ROBO2: variants seen among roughly 807,000 people sequenced by gnomAD.
ROBO2 encodes the protein roundabout homolog 2.
Under a neutral mutation model 160.8 loss-of-function variants are expected in ROBO2, and 53 were observed. The observed-to-expected ratio is 0.33, with a 90% confidence interval of 0.26 to 0.41. The LOEUF (loss-of-function observed/expected upper bound fraction) is 0.41. ROBO2 is among the 10% of genes least tolerant of loss of function. ROBO2 has a pLI of 1.00. For missense variants in ROBO2, 1,577 were observed against 1,722.4 expected (o/e 0.92, Z 1.49); for synonymous variants, 664 against 611.7 (o/e 1.09, Z -1.26).
chr3:76,985,817 A>G (rs960660822), intron 2 of ROBO2, among the ~76,000 whole-genome samples: 4 of 152,122 alleles, frequency 2.6e-5, no homozygotes, highest in Non-Finnish European at 5.9e-5. Context: ...AATAACATAT[A>G]TGATGCCAGT....
chr3:76,500,091 G>T (rs2080376809), intron 2 of ROBO2, among the ~76,000 whole-genome samples: 1 of 152,006 alleles, frequency 6.6e-6, no homozygotes, highest in Non-Finnish European at 1.5e-5. Flanking sequence ...TTGGGGTGGT[G>T]GGGGGACAGT....
At chr3:76,814,386 C>G (rs1291852972) in intron 2 of ROBO2, among the ~76,000 whole-genome samples, 1 of 152,080 alleles carries the variant, frequency 6.6e-6, no homozygotes, top group Non-Finnish European at 1.5e-5. Flanking sequence ...TTTTTTGTCT[C>G]CACTTTCCAA....
intron 7 of ROBO2, among the ~76,000 whole-genome samples, chr3:77,548,304 C>G (rs1298988137): frequency 6.6e-6 from 1 of 151,968 alleles, no homozygotes; most frequent in Non-Finnish European, 1.5e-5. Flanking sequence ...TTCACACAAA[C>G]AAAGTTTAAA....
chr3:77,648,922 A>G (rs1434246279), exon 26 of ROBO2: 2 of 152,202 alleles, frequency 1.3e-5, no homozygotes, highest in Non-Finnish European at 2.9e-5. Context: ...TCTTGCACTC[A>G]TAGGCAATGC....
intron 2 of ROBO2, among the ~76,000 whole-genome samples, chr3:76,602,678 G>C (rs2087249052): frequency 6.6e-6 from 1 of 152,130 alleles, no homozygotes. Flanking sequence ...TCCCATGACA[G>C]GTGGGAGTTA....
At chr3:76,299,012 T>C (rs953090183) in intron 2 of ROBO2, among the ~76,000 whole-genome samples, 3 of 152,192 alleles carry the variant, frequency 2.0e-5, no homozygotes, top group Admixed American at 1.3e-4. Flanking sequence ...CACCCATTTG[T>C]TTAACAAATA....
intron 2 of ROBO2, among the ~76,000 whole-genome samples, chr3:76,770,700 A>G (rs2061849133): frequency 6.6e-6 from 1 of 151,408 alleles, no homozygotes. Context: ...AAACATATGC[A>G]TATTTAAAAC....
At chr3:76,937,132 T>C (rs1241595671) in intron 2 of ROBO2, among the ~76,000 whole-genome samples, 1 of 152,184 alleles carries the variant, frequency 6.6e-6, no homozygotes, top group Non-Finnish European at 1.5e-5. Context: ...GATGAGCTAC[T>C]TTTGTCACGT....
intron 2 of ROBO2, among the ~76,000 whole-genome samples, chr3:76,421,177 C>T (rs1345959868): frequency 6.6e-6 from 1 of 152,116 alleles, no homozygotes; most frequent in African/African-American, 2.4e-5. Flanking sequence ...TAGCTCTACA[C>T]ATATTTTGGG....
intron 2 of ROBO2, among the ~76,000 whole-genome samples, chr3:76,983,225 T>A (rs182080422): frequency 9.9e-5 from 15 of 152,170 alleles, no homozygotes; most frequent in Non-Finnish European, 2.1e-4. Context: ...GTGGGGAGGT[T>A]GCAGTGAGCC....
chr3:77,451,121 G>A (rs114899618), intron 2 of ROBO2, among the ~76,000 whole-genome samples: 3 of 152,106 alleles, frequency 2.0e-5, no homozygotes, highest in Non-Finnish European at 4.4e-5. Context: ...CAGAACATAC[G>A]CTATGTAAGT....
At chr3:76,980,660 C>A (rs1285230203) in intron 2 of ROBO2, among the ~76,000 whole-genome samples, 4 of 151,996 alleles carry the variant, frequency 2.6e-5, no homozygotes, top group African/African-American at 7.2e-5. Context: ...TCTTGGTAAT[C>A]TTTTCTTGCT....
intron 2 of ROBO2, among the ~76,000 whole-genome samples, chr3:76,864,574 G>A (rs2071155059): frequency 6.6e-6 from 1 of 151,810 alleles, no homozygotes; most frequent in Admixed American, 6.6e-5. Flanking sequence ...CCTTTATTTT[G>A]ACATTCATCA....
At chr3:76,344,417 C>T (rs1000417322) in intron 2 of ROBO2, among the ~76,000 whole-genome samples, 3 of 152,094 alleles carry the variant, frequency 2.0e-5, no homozygotes, top group African/African-American at 7.2e-5. Flanking sequence ...TGGTGAAATT[C>T]TACTTTTTTC....
intron 1 of ROBO2, among the ~76,000 whole-genome samples, chr3:77,086,619 T>A (rs1410540894): frequency 6.6e-6 from 1 of 152,100 alleles, no homozygotes; most frequent in South Asian, 2.1e-4. Flanking sequence ...TTACAAATAA[T>A]GGAGTAATGC....
At chr3:77,619,663 C>T (rs2094858547) in intron 22 of ROBO2, among the ~76,000 whole-genome samples, 1 of 152,122 alleles carries the variant, frequency 6.6e-6, no homozygotes. Flanking sequence ...CCTCAATTTC[C>T]AGCCCCTCCA....
intron 2 of ROBO2, among the ~76,000 whole-genome samples, chr3:76,776,992 C>T (rs1341766619): frequency 6.9e-6 from 1 of 144,902 alleles, no homozygotes; most frequent in East Asian, 2.1e-4. Flanking sequence ...AAGTGAATAA[C>T]TTATTCAGTG....
chr3:77,119,504 A>G (rs770818469), intron 2 of ROBO2, among the ~76,000 whole-genome samples: 7 of 152,210 alleles, frequency 4.6e-5, no homozygotes, highest in Admixed American at 1.3e-4. Context: ...TCTTCCATCA[A>G]AATTAATCAA....
chr3:77,110,374 G>T (rs1364303239), intron 2 of ROBO2, among the ~76,000 whole-genome samples: 1 of 152,006 alleles, frequency 6.6e-6, no homozygotes, highest in African/African-American at 2.4e-5. Context: ...ATATGTATTT[G>T]TGGACATTTG....
Sources: allele counts gnomAD v4.1 joint callset (sites outside exome capture counted in the v4.1 genomes callset), GRCh38; gene constraint gnomAD v4.1.1; transcripts MANE v1.5; gene names NCBI Gene and HGNC (gene_info 2026-07-23, HGNC 2026-07-21).